Variants in ZNF493 observed in about 807,000 individuals in gnomAD.
ZNF493 encodes zinc finger protein 493.
A neutral mutation model predicts 12.2 loss-of-function variants in ZNF493; 11 were observed. That is an observed-to-expected ratio of 0.90 (90% confidence interval 0.57 to 1.50). The LOEUF (loss-of-function observed/expected upper bound fraction) is 1.50, where lower values mean the gene tolerates loss of function less well. Among genes scored for constraint, ZNF493 ranks in the 40% most tolerant of loss-of-function variants. The pLI, the probability that ZNF493 is intolerant of heterozygous loss-of-function variation, is 0.00. For synonymous variants in ZNF493, 286 were observed against 302.6 expected (o/e 0.95, Z 0.57); for missense variants, 950 against 906.6 (o/e 1.05, Z -0.61).
intron 1 of ZNF493, chr19:21,398,385 G>GT: frequency 5.7e-6 from 1 of 174,252 alleles, no homozygotes; most frequent in Non-Finnish European, 1.2e-5. Flanking sequence ...GTAAATCTCT[G>GT]TCTCTTTTGC....
Position 21,405,766 on chromosome 19 carries a change from G to C in ZNF493, c.163G>C (p.Ala55Pro). ...ATTTATTTTTAATAAAGCAGGTATT[G>C]CTGTCTCTAAGCCAGATCTGGTCAC... ...NYRNLVFLGI[A>P]VSKPDLVTCL... Residue 55 changes from alanine (A) to proline (P), a missense_variant, in exon 3 of 4, where the codon GCT (alanine) becomes CCT (proline). Physicochemically the swap from Ala to Pro is conservative, Grantham distance 27. Coordinates refer to ENST00000392288, the MANE Select transcript of ZNF493 (RefSeq NM_001076678.3). 1.2e-6 allele frequency: 2 copies of C among 1,608,178 alleles called. No homozygotes were observed. Among genetic ancestry groups the C allele is most frequent in the Non-Finnish European group, 1.7e-6 (2 of 1,178,056 alleles).
intron 3 of ZNF493, among the ~76,000 whole-genome samples, chr19:21,409,503 G>T (rs1276170601): frequency 6.6e-6 from 1 of 150,994 alleles, no homozygotes; most frequent in African/African-American, 2.4e-5. Flanking sequence ...CAGAAATTTG[G>T]GAGTCCAAAA....
At chr19:21,401,233 T>A (rs1035233665) in intron 1 of ZNF493, among the ~76,000 whole-genome samples, 10 of 152,220 alleles carry the variant, frequency 6.6e-5, no homozygotes, top group African/African-American at 2.2e-4. Flanking sequence ...TGTCTTTAGT[T>A]CTGTTTACTT....
At chr19:21,397,931 T>G (rs1353865716) in intron 1 of ZNF493, 6 of 152,484 alleles carry the variant, frequency 3.9e-5, no homozygotes, top group Admixed American at 3.3e-4. Flanking sequence ...GCCTGAATTT[T>G]GTTTCTCTGA....
intron 1 of ZNF493, 126 bp downstream of exon 1, chr19:21,397,393 T>C: frequency 8.1e-7 from 1 of 1,239,042 alleles, no homozygotes; most frequent in Non-Finnish European, 1.2e-6. Flanking sequence ...GAGTTCTCCT[T>C]GCCCAGCTCG....
intron 1 of ZNF493, among the ~76,000 whole-genome samples, chr19:21,401,314 G>A (rs1345557643): frequency 6.6e-6 from 1 of 152,152 alleles, no homozygotes; most frequent in Non-Finnish European, 1.5e-5. Flanking sequence ...GTTGATCGTA[G>A]TGGATTAGCT....
chr19:21,423,596 A>C lies in ZNF493; in HGVS notation c.937A>C (p.Ile313Leu), dbSNP rs771279630. ...NQSSTLTGHK[I>L]IHNGEKPYKC... is the part of the protein sequence containing the mutation. ...ATCTTCAACCCTTACTGGACATAAG[A>C]TAATTCATAATGGAGAAAAACCCTA... Residue 313 changes from isoleucine (I) to leucine (L), a missense_variant, in exon 4 of 4, where the codon ATA becomes CTA. By Grantham distance (5) the Ile-to-Leu change is conservative (BLOSUM62 2). Transcript: ENST00000392288. 1.2e-6 allele frequency: 2 copies of C among 1,609,636 alleles called. No homozygotes were observed. Among genetic ancestry groups the C allele is most frequent in the Admixed American group, 1.7e-5 (1 of 59,808 alleles).
chr19:21,422,427 A>C (rs746528946), intron 3 of ZNF493, among the ~76,000 whole-genome samples: 36 of 88,890 alleles, frequency 4.0e-4, no homozygotes, highest in Admixed American at 3.3e-4. Flanking sequence ...TTACTTCTTT[A>C]TTTATTTATT....
intron 1 of ZNF493, chr19:21,397,547 A>C (rs116391030): frequency 1.7e-6 from 1 of 590,590 alleles, no homozygotes. Context: ...TCTTTCTCAG[A>C]TTGTGCGGGG....
chr19:21,423,384 G>C lies in ZNF493; in HGVS notation c.725G>C (p.Cys242Ser). Residue 242 changes from cysteine (C) to serine (S), a missense_variant, in exon 4 of 4, where the codon TGT becomes TCT. Coordinates refer to ENST00000392288, the MANE Select transcript of ZNF493 (RefSeq NM_001076678.3). ...GGAGAGAAATCCTACAAATATGAATGTGGCAAATCTTTTAACCAGGACTCA... is the reference window on the plus strand; with the variant it reads ...GGAGAGAAATCCTACAAATATGAATCTGGCAAATCTTTTAACCAGGACTCA... ...HTGEKSYKYE[C>S]GKSFNQDSNL... is the part of the protein sequence containing the mutation. 5 of 1,613,260 alleles carry C rather than the reference G, an allele frequency of 3.1e-6. No individual in the cohort carries two copies. Among genetic ancestry groups the C allele is most frequent in the Non-Finnish European group, 4.2e-6 (5 of 1,179,764 alleles).
At chr19:21,420,647 T>A (rs1449984203) in intron 3 of ZNF493, among the ~76,000 whole-genome samples, 4 of 120,260 alleles carry the variant, frequency 3.3e-5, no homozygotes, top group African/African-American at 1.3e-4. Context: ...TTTTTTTTTT[T>A]TTTTTTTTCA....
chr19:21,407,611 A>T, intron 3 of ZNF493: 2 of 979,096 alleles, frequency 2.0e-6, no homozygotes, highest in Non-Finnish European at 2.4e-6. Flanking sequence ...TTTTATTTCT[A>T]TTGTATCCAA....
rs562566625 is a variant in ZNF493, at chr19:21,401,108, C to G, written c.30+3841C>G. On this transcript the variant is annotated intron_variant, in intron 1 of 3. Coordinates refer to ENST00000392288, the MANE Select transcript of ZNF493 (RefSeq NM_001076678.3). ...GTAAGTTTGTCATACTTAGATAACT[C>G]AGTATTTTGATGTATGTACCTCCAA... is the stretch of plus-strand genomic sequence containing the variant. Among the ~76,000 whole-genome samples the G allele has an allele frequency of 1.2e-4, 18 of 152,250 alleles. No individual in the cohort carries two copies. The East Asian group carries it at 1.4e-3, about 11-fold the overall frequency.
chr19:21,413,660 G>C, intron 3 of ZNF493: 2 of 409,988 alleles, frequency 4.9e-6, no homozygotes, highest in Non-Finnish European at 8.4e-6. Flanking sequence ...GTATCTTGAT[G>C]GTATCCAAAT....
Position 21,408,749 on chromosome 19 carries a change from C to G in ZNF493, c.253+2893C>G, listed in dbSNP as rs1034003510. 22 of 984,770 alleles carry G rather than the reference C, an allele frequency of 2.2e-5. No homozygotes were observed. The African/African-American group carries it at 3.7e-4, about 16-fold the overall frequency. 61.0% of individuals were successfully genotyped at this position (984,770 alleles called of 1,614,324 possible). A position where few individuals can be genotyped will look rare whatever the true frequency, so the allele number is the denominator to read the frequency against. ...GTCAATTTGCAATTCTGTCTGTATA[C>G]TTTATGTCAATGTGAGGTTGAATTA... On this transcript the variant is annotated intron_variant, in intron 3 of 3. Coordinates refer to ENST00000392288, the MANE Select transcript of ZNF493 (RefSeq NM_001076678.3).
In ZNF493 at chr19:21,425,170, T is replaced by A; in HGVS notation, c.*186T>A. On this transcript the variant is annotated 3_prime_UTR_variant, in exon 4 of 4. Transcript: ENST00000392288. ...CTTACTAAATATAAGATAATTCATATTGGAGAGAAATTCTACAGATGTGAA... is the reference window on the plus strand; with the variant it reads ...CTTACTAAATATAAGATAATTCATAATGGAGAGAAATTCTACAGATGTGAA... 1.4e-6 allele frequency: 1 copy of A among 735,530 alleles called. No individual in the cohort carries two copies. Among genetic ancestry groups the A allele is most frequent in the Non-Finnish European group, 2.3e-6 (1 of 435,886 alleles). The allele number at this position is 735,530 out of a possible 1,614,324, so 45.6% of individuals were successfully genotyped here.
chr19:21,417,025 G>T (rs139658441), intron 3 of ZNF493, among the ~76,000 whole-genome samples: 1 of 152,186 alleles, frequency 6.6e-6, no homozygotes, highest in Non-Finnish European at 1.5e-5. Flanking sequence ...TTGTACAGGG[G>T]TGAGGGAATG....
intron 3 of ZNF493, chr19:21,413,781 C>T (rs569013236): frequency 7.7e-6 from 2 of 258,988 alleles, no homozygotes; most frequent in South Asian, 3.3e-4. Flanking sequence ...AGTTGTTCTG[C>T]TTCTCTCTTT....
intron 3 of ZNF493, among the ~76,000 whole-genome samples, chr19:21,422,320 A>G (rs2030701485): frequency 1.3e-5 from 2 of 151,290 alleles, no homozygotes; most frequent in South Asian, 4.2e-4. Flanking sequence ...GACAGAAGCC[A>G]GTGTGTGGAA....
Sources: allele counts gnomAD v4.1 joint callset (sites outside exome capture counted in the v4.1 genomes callset), GRCh38; gene constraint gnomAD v4.1.1; transcripts MANE v1.5; gene names NCBI Gene and HGNC (gene_info 2026-07-23, HGNC 2026-07-21).